The following SMG1 variants were observed in gnomAD, a reference collection of about 807,000 sequenced individuals.
SMG1 encodes the protein serine/threonine-protein kinase SMG1.
Under a neutral mutation model 419.9 loss-of-function variants are expected in SMG1, and 22 were observed. The observed-to-expected ratio is 0.05, with a 90% CI of 0.04 to 0.07. The LOEUF (loss-of-function observed/expected upper bound fraction) is 0.07, where lower values mean the gene tolerates loss of function less well. Among genes scored for constraint, SMG1 ranks in the 10% least tolerant of loss-of-function variants. SMG1 has a pLI of 1.00. For missense variants in SMG1, 3,185 were observed against 4,342.0 expected, an observed-to-expected ratio of 0.73 and a Z score of 7.49; for synonymous variants, 1,538 against 1,553.5, an observed-to-expected ratio of 0.99 and a Z score of 0.23.
In SMG1 at chr16:18,806,238, T is replaced by C. The variant is rs71382567; in HGVS notation, c.*3331A>G. Reference sequence around the variant, plus strand: ...AAAACAATGCAGATAACACCAAACATTGGACAATATTAAGAAAACTACTTA... The same window carrying C: ...AAAACAATGCAGATAACACCAAACACTGGACAATATTAAGAAAACTACTTA... On this transcript the variant is annotated 3_prime_UTR_variant, in exon 63 of 63. Coordinates refer to ENST00000446231, the MANE Select transcript of SMG1 (RefSeq NM_015092.5). The C allele has an allele frequency of 0.1, 15,318 of 152,478 alleles. 820 individuals are homozygous for C. The highest frequency in any genetic ancestry group is 0.18 in the Middle Eastern group (52 of 294). The allele number at this position is 152,478 out of a possible 1,614,324, so 9.4% of individuals were successfully genotyped here. A position where few individuals can be genotyped will look rare whatever the true frequency, so the allele number is the denominator to read the frequency against.
intron 50 of SMG1, 58 bp from the exon 51 acceptor site, chr16:18,833,224 T>C (rs749106618): frequency 1.4e-5 from 19 of 1,378,372 alleles, no homozygotes; most frequent in Non-Finnish European, 1.9e-5. Context: ...AAGTTACACA[T>C]TTGGAGACTT....
At chr16:18,886,393 T>G (rs2036613359) in intron 6 of SMG1, among the ~76,000 whole-genome samples, 1 of 152,212 alleles carries the variant, frequency 6.6e-6, no homozygotes, top group South Asian at 2.1e-4. Flanking sequence ...AAATCATTAT[T>G]TGTCATTCCA....
chr16:18,821,159 T>C (rs2032493361), intron 55 of SMG1, among the ~76,000 whole-genome samples: 1 of 151,722 alleles, frequency 6.6e-6, no homozygotes, highest in South Asian at 2.1e-4. Context: ...CAAAATTTCC[T>C]TAATGTATTA....
intron 3 of SMG1, among the ~76,000 whole-genome samples, chr16:18,895,541 G>A (rs1422145613): frequency 6.6e-6 from 1 of 151,564 alleles, no homozygotes; most frequent in Non-Finnish European, 1.5e-5. Flanking sequence ...TAGGGGGCAG[G>A]GGGAAGGAGA....
chr16:18,847,321 G>T, intron 38 of SMG1, 132 bp downstream of exon 38: 1 of 918,618 alleles, frequency 1.1e-6, no homozygotes, highest in Non-Finnish European at 1.7e-6. Context: ...GGTGATGGTT[G>T]TACAATATGG....
At chr16:18,863,948 G>C in intron 24 of SMG1, 54 bp downstream of exon 24, 1 of 1,552,272 alleles carries the variant, frequency 6.4e-7, no homozygotes, top group South Asian at 1.2e-5. Flanking sequence ...AAGATCATCA[G>C]TACGAAATAT....
intron 42 of SMG1, 77 bp downstream of exon 42, chr16:18,839,621 G>A (rs912139527): frequency 4.5e-6 from 7 of 1,565,890 alleles, no homozygotes; most frequent in Admixed American, 1.7e-5. Flanking sequence ...AAGGGAAGGA[G>A]GACAAACAAG....
At position 18,869,866 on chromosome 16, in the gene SMG1, G is replaced by T; in HGVS notation, c.2621C>A (p.Ser874Tyr). 1 of 1,583,682 alleles carries T rather than the reference G, an allele frequency of 6.3e-7. No homozygotes were observed. The highest frequency in any genetic ancestry group is 8.6e-7 in the Non-Finnish European group (1 of 1,167,824). Residue 874 changes from serine to tyrosine, a missense_variant, in exon 19 of 63, where the codon TCT (serine) becomes TAT (tyrosine). This residue lies in a region of SMG1 where 297 missense variants were observed against 491.0 expected (regional missense o/e 0.60). Transcript: ENST00000446231. Reference sequence around the variant, plus strand: ...AGAAATGCCTTACCCTGTTCTATGAGAGTTCCCATACAAAATAAAACTAAT... The same window carrying T: ...AGAAATGCCTTACCCTGTTCTATGATAGTTCCCATACAAAATAAAACTAAT... ...DVISFILYGNSHRTGKDNWLE... is the reference protein window; with the variant it reads ...DVISFILYGNYHRTGKDNWLE...
intron 6 of SMG1, among the ~76,000 whole-genome samples, chr16:18,887,460 C>T (rs1463287961): frequency 1.3e-5 from 2 of 150,880 alleles, no homozygotes; most frequent in African/African-American, 4.9e-5. Flanking sequence ...CTGCCTCAGC[C>T]TCCAAGTAGC....
At position 18,834,072 on chromosome 16, in the gene SMG1, T is replaced by TTATC; in HGVS notation, c.8565+128_8565+131dup. The stretch of plus-strand genomic sequence containing the variant: ...CAAGTTATAGCTATAAATCTCACAA[T>TTATC]TATCTTCCTTTTAAATGACTGGTTG... On this transcript the variant is annotated intron_variant, in intron 50 of 62. Transcript: ENST00000446231. 8 of 687,168 alleles carry TTATC rather than the reference T, an allele frequency of 1.2e-5. No homozygotes were observed. The South Asian group carries it at 1.6e-4, about 14-fold the overall frequency. 42.6% of individuals were successfully genotyped at this position (687,168 alleles called of 1,614,324 possible). A position where few individuals can be genotyped will look rare whatever the true frequency, so the allele number is the denominator to read the frequency against.
rs2033739610 is a variant in SMG1, at chr16:18,838,812, A to G, written c.6946-123T>C. ...CTACTCCCTTATTTTAAAATAAATC[A>G]ACAAATAAAAAGCATTCCTCAAGGT... On this transcript the variant is annotated intron_variant, in intron 42 of 62. Coordinates refer to ENST00000446231, the MANE Select transcript of SMG1 (RefSeq NM_015092.5). 4 of 688,938 alleles carry G rather than the reference A, an allele frequency of 5.8e-6. No individual in the cohort carries two copies. The East Asian group carries it at 1.1e-4, about 18-fold the overall frequency. The allele number at this position is 688,938 out of a possible 1,614,324, so 42.7% of individuals were successfully genotyped here. A position where few individuals can be genotyped will look rare whatever the true frequency, so the allele number is the denominator to read the frequency against.
At chr16:18,923,854 G>T (rs1436493251) in intron 1 of SMG1, among the ~76,000 whole-genome samples, 1 of 152,082 alleles carries the variant, frequency 6.6e-6, no homozygotes, top group African/African-American at 2.4e-5. Flanking sequence ...CTGAATAGGG[G>T]ACAGAATCAC....
At chr16:18,920,585 A>G (rs971508535) in intron 1 of SMG1, among the ~76,000 whole-genome samples, 5 of 152,180 alleles carry the variant, frequency 3.3e-5, no homozygotes, top group African/African-American at 7.2e-5. Flanking sequence ...CTGTAATCCC[A>G]GCACTTTGGG....
intron 48 of SMG1, among the ~76,000 whole-genome samples, 180 bp from the exon 49 acceptor site, chr16:18,835,344 G>C (rs1046086357): frequency 6.6e-6 from 1 of 152,156 alleles, no homozygotes; most frequent in African/African-American, 2.4e-5. Flanking sequence ...GACTGTGACA[G>C]AATCAACATT....
At chr16:18,873,013 G>C (rs959469751) in intron 13 of SMG1, among the ~76,000 whole-genome samples, 2 of 151,958 alleles carry the variant, frequency 1.3e-5, no homozygotes, top group Non-Finnish European at 2.9e-5. Flanking sequence ...AATTAGCTGG[G>C]CATGGTGGCA....
chr16:18,906,428 A>G (rs1256051484), intron 1 of SMG1, among the ~76,000 whole-genome samples: 1 of 152,068 alleles, frequency 6.6e-6, no homozygotes, highest in Admixed American at 6.6e-5. Context: ...GGTTGCAGTG[A>G]GCCAAGACTG....
At chr16:18,901,038 A>C (rs1213401340) in intron 1 of SMG1, among the ~76,000 whole-genome samples, 1 of 151,798 alleles carries the variant, frequency 6.6e-6, no homozygotes, top group Non-Finnish European at 1.5e-5. Flanking sequence ...TATTATACAA[A>C]TCTCTTCTTG....
At chr16:18,885,273 A>G (rs2036566709) in intron 7 of SMG1, 111 bp from the exon 8 acceptor site, 2 of 648,024 alleles carry the variant, frequency 3.1e-6, no homozygotes, top group African/African-American at 1.8e-5. Flanking sequence ...TGTTCTACCT[A>G]CTTGACATTC....
rs748419528 is a variant in SMG1, at chr16:18,863,836, G to C, written c.3509C>G (p.Thr1170Ser). Residue 1170 changes from threonine to serine, a missense_variant, in exon 25 of 63, where the codon ACT becomes AGT. Around this residue, in one of 27 missense-constraint regions of SMG1, gnomAD observed 121 missense variants for 125.4 expected, o/e 0.96. Coordinates refer to ENST00000446231, the MANE Select transcript of SMG1 (RefSeq NM_015092.5). Reference sequence around the variant, plus strand: ...AGAGTCAGTCGGTTTGGACAGCACAGTTTTTCTGGATTCACCTGAAAGTAT... The same window carrying C: ...AGAGTCAGTCGGTTTGGACAGCACACTTTTTCTGGATTCACCTGAAAGTAT... ...KHSLNGESRK[T>S]VLSKPTDSSP... 189 of 1,583,524 alleles carry C rather than the reference G, an allele frequency of 1.2e-4. 1 individual carries two copies. The highest frequency in any genetic ancestry group is 1.4e-4 in the Non-Finnish European group (167 of 1,156,420).
Sources: allele counts gnomAD v4.1 joint callset (sites outside exome capture counted in the v4.1 genomes callset), GRCh38; gene constraint gnomAD v4.1.1; regional missense constraint gnomAD v4.1.1; transcripts MANE v1.5; gene names NCBI Gene and HGNC (gene_info 2026-07-23, HGNC 2026-07-21).